TMEM117: variants seen among roughly 807,000 people sequenced by gnomAD.
TMEM117 encodes the protein transmembrane protein 117.
A neutral mutation model predicts 52.4 loss-of-function variants in TMEM117; 27 were observed. The ratio of observed to expected loss-of-function variants is 0.51; its 90% CI spans 0.38 to 0.71. The LOEUF (loss-of-function observed/expected upper bound fraction) is 0.71. Ranked by LOEUF, TMEM117 falls within the 30% of genes least tolerant of loss-of-function variation. The pLI, the probability that TMEM117 is intolerant of heterozygous loss-of-function variation, is 0.00. For synonymous variants in TMEM117, 215 were observed against 206.3 expected (o/e 1.04, Z -0.36); for missense variants, 556 against 630.5 (o/e 0.88, Z 1.26).
intron 3 of TMEM117, among the ~76,000 whole-genome samples, chr12:44,086,727 T>C (rs1446156155): frequency 6.6e-6 from 1 of 152,054 alleles, no homozygotes; most frequent in African/African-American, 2.4e-5. Flanking sequence ...TCTTTCGCTA[T>C]CAAACAAAGT....
chr12:44,328,018 G>C (rs1951219334), intron 6 of TMEM117, among the ~76,000 whole-genome samples: 1 of 152,176 alleles, frequency 6.6e-6, no homozygotes, highest in Non-Finnish European at 1.5e-5. Context: ...TTTCTCTATG[G>C]AGCGGTGAGC....
rs769643621 is a variant in TMEM117 at position 44,388,504 on chromosome 12, C to T, written c.1377C>T (p.Asp459=). Residue 459 remains aspartate (D), a synonymous_variant, in exon 8 of 8, where the codon GAC becomes GAT. Coordinates refer to ENST00000266534, the MANE Select transcript of TMEM117 (RefSeq NM_032256.3). ...AAAACACCCAGGCTTCAGTAGAAGA[C>T]CCCTTGAATGACCCTTCTTTGGTTT... ...TRENTQASVE[D]PLNDPSLVCI... 19 of 1,613,408 alleles carry T rather than the reference C, an allele frequency of 1.2e-5. No individual in the cohort carries two copies. The Admixed American group carries it at 2.8e-4, about 24-fold the overall frequency.
chr12:44,276,934 AATAG>A (rs1950520857), intron 5 of TMEM117, among the ~76,000 whole-genome samples: 1 of 137,360 alleles, frequency 7.3e-6, no homozygotes, highest in South Asian at 2.1e-4. Flanking sequence ...GTGTGTGTGT[AATAG>A]ATCCTGACTA....
intron 2 of TMEM117, among the ~76,000 whole-genome samples, chr12:43,934,773 T>C (rs945592449): frequency 1.3e-5 from 2 of 152,194 alleles, no homozygotes; most frequent in African/African-American, 4.8e-5. Flanking sequence ...TCAATGTTTT[T>C]AAATTCTCTT....
intron 5 of TMEM117, among the ~76,000 whole-genome samples, chr12:44,250,922 T>G (rs2138511515): frequency 6.6e-6 from 1 of 152,166 alleles, no homozygotes; most frequent in South Asian, 2.1e-4. Context: ...GGTTGATAGG[T>G]GCAGCAAACC....
chr12:43,937,943 T>C (rs1189414119), intron 2 of TMEM117, among the ~76,000 whole-genome samples: 2 of 152,048 alleles, frequency 1.3e-5, no homozygotes, highest in Admixed American at 6.6e-5. Flanking sequence ...TCCCGTGTAA[T>C]AGAAATTTAC....
At chr12:44,028,209 TTGAC>T (rs1365107829) in intron 3 of TMEM117, among the ~76,000 whole-genome samples, 1 of 152,126 alleles carries the variant, frequency 6.6e-6, no homozygotes, top group Non-Finnish European at 1.5e-5. Flanking sequence ...AAAAAGCTGT[TTGAC>T]TGAGTGTAGA....
chr12:44,027,296 C>A (rs1315173997), intron 3 of TMEM117, among the ~76,000 whole-genome samples: 2 of 151,636 alleles, frequency 1.3e-5, no homozygotes, highest in Non-Finnish European at 2.9e-5. Flanking sequence ...AGTGATACCT[C>A]CCAAGTAGCT....
chr12:44,139,975 A>G lies in TMEM117; in HGVS notation c.411-3550A>G, dbSNP rs552837338. Among the ~76,000 whole-genome samples the G allele has an allele frequency of 1.5e-3, 225 of 152,308 alleles. 2 individuals are homozygous for G. The highest frequency in any genetic ancestry group is 5.1e-3 in the African/African-American group (211 of 41,590). On this transcript the variant is annotated intron_variant, in intron 3 of 7. Coordinates refer to ENST00000266534, the MANE Select transcript of TMEM117 (RefSeq NM_032256.3). ...CTGAAAATTTTTATGACAGGTCTGC[A>G]TATTTGTAATTCTTCTTCATATTTA...
At chr12:43,896,141 T>C (rs1592341941) in intron 2 of TMEM117, among the ~76,000 whole-genome samples, 1 of 152,324 alleles carries the variant, frequency 6.6e-6, no homozygotes, top group Middle Eastern at 3.4e-3. Flanking sequence ...ACACATAGTA[T>C]TGACCATCAC....
At chr12:43,901,505 T>C (rs1353464903) in intron 2 of TMEM117, among the ~76,000 whole-genome samples, 1 of 152,098 alleles carries the variant, frequency 6.6e-6, no homozygotes, top group Admixed American at 6.5e-5. Flanking sequence ...AGAGACGGGG[T>C]TTCACTATGT....
At chr12:44,371,800 A>T (rs1043918603) in intron 6 of TMEM117, among the ~76,000 whole-genome samples, 1 of 152,240 alleles carries the variant, frequency 6.6e-6, no homozygotes, top group Non-Finnish European at 1.5e-5. Flanking sequence ...CATATTTAAC[A>T]GTGAACTGAA....
At chr12:43,815,216 G>A in the TMEM117 span, among the ~76,000 whole-genome samples, 2 of 152,206 alleles carry the variant, frequency 1.3e-5, no homozygotes, top group Admixed American at 6.5e-5. Context: ...CCTAGTCAAT[G>A]TTAAGTAAAT....
intron 6 of TMEM117, among the ~76,000 whole-genome samples, chr12:44,347,583 A>G (rs1658000409): frequency 2.0e-5 from 3 of 151,976 alleles, no homozygotes; most frequent in African/African-American, 7.2e-5. Context: ...TCATTTATGA[A>G]TTTTCTTATA....
At chr12:43,969,971 C>G (rs917029469) in intron 3 of TMEM117, among the ~76,000 whole-genome samples, 9 of 152,222 alleles carry the variant, frequency 5.9e-5, no homozygotes, top group African/African-American at 2.2e-4. Flanking sequence ...TTGTGGCCAA[C>G]CATGATCTGA....
upstream of TMEM117, among the ~76,000 whole-genome samples, chr12:43,832,067 G>T (rs187227138): frequency 1.5e-4 from 23 of 152,264 alleles, 1 homozygote; most frequent in Admixed American, 1.3e-3. Flanking sequence ...TAAAAGAAAT[G>T]GAGTTGTTTG....
intron 3 of TMEM117, among the ~76,000 whole-genome samples, chr12:43,991,785 C>CA (rs1240550841): frequency 1.3e-5 from 2 of 152,138 alleles, no homozygotes; most frequent in African/African-American, 2.4e-5. Context: ...TCCATACTAT[C>CA]ATCTTAAATG....
intron 3 of TMEM117, among the ~76,000 whole-genome samples, chr12:43,969,527 AAT>A (rs1184550399): frequency 6.7e-6 from 1 of 149,826 alleles, no homozygotes; most frequent in African/African-American, 2.5e-5. Context: ...GTATCAAAAA[AAT>A]AATAATAATA....
chr12:44,045,916 G>A (rs1042640617), intron 3 of TMEM117, among the ~76,000 whole-genome samples: 2 of 152,166 alleles, frequency 1.3e-5, no homozygotes, highest in Non-Finnish European at 2.9e-5. Context: ...CAGCTGGATT[G>A]ATAGAACAGT....
Sources: gnomAD v4.1 joint callset for allele counts (sites outside exome capture counted in the v4.1 genomes callset) on GRCh38, gnomAD v4.1.1 for gene constraint, MANE v1.5 for transcripts, NCBI Gene and HGNC (gene_info 2026-07-23, HGNC 2026-07-21) for gene names.